CSNK1G1: variants seen among roughly 807,000 people sequenced by gnomAD.
CSNK1G1 encodes the protein casein kinase I isoform gamma-1.
A neutral mutation model predicts 59.6 loss-of-function variants in CSNK1G1; 22 were observed. That is an observed-to-expected ratio of 0.37 (90% CI 0.26 to 0.53). The LOEUF is 0.53. Ranked by LOEUF, CSNK1G1 falls within the 20% of genes least tolerant of loss-of-function variation. The pLI is 0.89. For synonymous variants in CSNK1G1, 179 were observed against 177.1 expected (o/e 1.01, Z -0.08); for missense variants, 384 against 519.5 (o/e 0.74, Z 2.54).
Position 64,177,046 on chromosome 15 carries a change from A to T in CSNK1G1, c.1214+3302T>A, listed in dbSNP as rs185742377. On this transcript the variant is annotated intron_variant, in intron 11 of 11. Coordinates refer to ENST00000303052, the MANE Select transcript of CSNK1G1 (RefSeq NM_022048.5). The stretch of plus-strand genomic sequence containing the variant: ...GCTGCCTGCCCTCACCACCCTTTAA[A>T]CCATAAACAAGGACATATGTCCTGG... Among the ~76,000 whole-genome samples, 5 of 152,296 alleles carry T rather than the reference A, an allele frequency of 3.3e-5. No homozygotes were observed. In the East Asian group the frequency reaches 9.6e-4, roughly 29 times the overall value.
intron 4 of CSNK1G1, among the ~76,000 whole-genome samples, chr15:64,233,658 GT>G (rs1173490384): frequency 1.3e-5 from 2 of 152,142 alleles, no homozygotes; most frequent in Non-Finnish European, 2.9e-5. Flanking sequence ...TGGAAAATTC[GT>G]CCTGGTCCAG....
At chr15:64,246,724 A>G (rs1197678519) in intron 4 of CSNK1G1, among the ~76,000 whole-genome samples, 1 of 151,528 alleles carries the variant, frequency 6.6e-6, no homozygotes, top group Non-Finnish European at 1.5e-5. Context: ...GAGTCACTAG[A>G]TTACAATAGC....
Position 64,171,675 on chromosome 15 carries a change from G to C in CSNK1G1, c.*256C>G, listed in dbSNP as rs569978562. 2.2e-4 allele frequency: 123 copies of C among 549,602 alleles called. No homozygotes were observed. Among genetic ancestry groups the C allele is most frequent in the Non-Finnish European group, 3.6e-4 (112 of 307,190 alleles). 34.0% of individuals were successfully genotyped at this position (549,602 alleles called of 1,614,324 possible). ...AAACAATGGGAAGGAGAGTCAACCA[G>C]GCAGCCCTATGGGCAAGCAGTGGAG... On this transcript the variant is annotated 3_prime_UTR_variant, in exon 12 of 12. Transcript: ENST00000303052. The surrounding 1 kb of genome is among the most constrained non-coding windows in gnomAD (Gnocchi z 4.8).
chr15:64,209,871 A>C (rs1278766357), intron 6 of CSNK1G1, among the ~76,000 whole-genome samples: 2 of 152,194 alleles, frequency 1.3e-5, no homozygotes, highest in Non-Finnish European at 2.9e-5. Flanking sequence ...GGTTATTAAA[A>C]ATTCACTGGA....
chr15:64,188,244 A>T lies in CSNK1G1; in HGVS notation c.1108-7790T>A. 1.6e-6 allele frequency: 1 copy of T among 624,098 alleles called. No homozygotes were observed. Among genetic ancestry groups the T allele is most frequent in the Non-Finnish European group, 2.7e-6 (1 of 368,692 alleles). The allele number at this position is 624,098 out of a possible 1,614,324, so 38.7% of individuals were successfully genotyped here. On this transcript the variant is annotated intron_variant, in intron 10 of 11. Transcript: ENST00000303052. This position sits in a 1 kb window ranked among gnomAD's most constrained non-coding sequence, Gnocchi z 4.2. ...CTTACCCAAGTCCACCTAGACAGAA[A>T]ATCTACAGAGATATTCAATTAGCCC...
At position 64,300,611 on chromosome 15, in the gene CSNK1G1, T is replaced by G. The variant is rs1226663323; in HGVS notation, c.-112A>C. ...TTGTAGTCAGAGAAAGGTAAGGAGTTCTTTTAGCACCATATTTGTTTGTAA... is the reference window on the plus strand; with the variant it reads ...TTGTAGTCAGAGAAAGGTAAGGAGTGCTTTTAGCACCATATTTGTTTGTAA... On this transcript the variant is annotated 5_prime_UTR_variant, in exon 2 of 12. Transcript: ENST00000303052. 4 of 1,435,492 alleles carry G rather than the reference T, an allele frequency of 2.8e-6. No homozygotes were observed. The African/African-American group carries it at 5.7e-5, about 20-fold the overall frequency. The allele number at this position is 1,435,492 out of a possible 1,614,324, so 88.9% of individuals were successfully genotyped here.
chr15:64,306,500 A>G (rs2140413878), intron 1 of CSNK1G1, among the ~76,000 whole-genome samples: 1 of 152,348 alleles, frequency 6.6e-6, no homozygotes, highest in African/African-American at 2.4e-5. Flanking sequence ...GCTAAGGAAG[A>G]TATGGAGCAA....
At chr15:64,186,374 G>C (rs936715302) in intron 10 of CSNK1G1, among the ~76,000 whole-genome samples, 1 of 152,204 alleles carries the variant, frequency 6.6e-6, no homozygotes, top group African/African-American at 2.4e-5. Context: ...GCCTCCCAAA[G>C]TGCTGGGATT....
intron 2 of CSNK1G1, among the ~76,000 whole-genome samples, chr15:64,297,763 G>A (rs1895107120): frequency 6.6e-6 from 1 of 152,028 alleles, no homozygotes; most frequent in South Asian, 2.1e-4. Context: ...TCTAGGAAAG[G>A]AAATTAGTTT....
chr15:64,226,430 C>T (rs1432725954), intron 4 of CSNK1G1, among the ~76,000 whole-genome samples: 4 of 152,142 alleles, frequency 2.6e-5, no homozygotes, highest in East Asian at 1.9e-4. Flanking sequence ...TGGTGGTGCA[C>T]GCCTGTAGTC....
chr15:64,337,625 C>T (rs139452851), intron 1 of CSNK1G1, among the ~76,000 whole-genome samples: 2 of 152,126 alleles, frequency 1.3e-5, no homozygotes, highest in Non-Finnish European at 2.9e-5. Context: ...GTGAACCCAC[C>T]TGGCTTTGTT....
intron 2 of CSNK1G1, among the ~76,000 whole-genome samples, chr15:64,284,439 G>C (rs571991244): frequency 3.5e-4 from 54 of 152,198 alleles, no homozygotes; most frequent in Admixed American, 8.5e-4. Flanking sequence ...TAAATCTTGA[G>C]ATCCATGAAT....
chr15:64,341,641 T>C (rs1033054980), intron 1 of CSNK1G1, among the ~76,000 whole-genome samples: 2 of 151,886 alleles, frequency 1.3e-5, no homozygotes, highest in African/African-American at 4.8e-5. Flanking sequence ...CCCAGCTAAT[T>C]TTTTTTTATT....
At chr15:64,228,295 C>G (rs191036798) in intron 4 of CSNK1G1, among the ~76,000 whole-genome samples, 2 of 152,240 alleles carry the variant, frequency 1.3e-5, no homozygotes, top group Admixed American at 1.3e-4. Context: ...ATCTATATTA[C>G]CCATTTTTAG....
rs373208584 is a variant in CSNK1G1 at position 64,336,173 on chromosome 15, G to C, written c.-225+19815C>G. On this transcript the variant is annotated intron_variant, in intron 1 of 11. Transcript: ENST00000303052. ...CGTTCAAAGCACCATGCCCAAAACAGAGTAAACAAATGTAAAATTGAATTG... is the reference window on the plus strand; with the variant it reads ...CGTTCAAAGCACCATGCCCAAAACACAGTAAACAAATGTAAAATTGAATTG... Among the ~76,000 whole-genome samples the C allele has an allele frequency of 3.1e-4, 47 of 152,288 alleles. 1 individual carries two copies. Among genetic ancestry groups the C allele is most frequent in the African/African-American group, 1.1e-3 (47 of 41,562 alleles).
intron 1 of CSNK1G1, among the ~76,000 whole-genome samples, chr15:64,312,360 C>T (rs1331002884): frequency 3.9e-5 from 6 of 152,198 alleles, no homozygotes; most frequent in African/African-American, 1.4e-4. Context: ...AACTATACTA[C>T]AAGGCAACAG....
intron 2 of CSNK1G1, among the ~76,000 whole-genome samples, chr15:64,298,908 A>G (rs1895167509): frequency 6.6e-6 from 1 of 151,642 alleles, no homozygotes; most frequent in South Asian, 2.1e-4. Flanking sequence ...GCATGGTGGC[A>G]CATGCCTGTA....
chr15:64,349,343 T>C (rs1898154807), intron 1 of CSNK1G1, among the ~76,000 whole-genome samples: 1 of 152,080 alleles, frequency 6.6e-6, no homozygotes, highest in African/African-American at 2.4e-5. Flanking sequence ...TCCCTTTTCG[T>C]GGCAAGGGCA....
chr15:64,277,569 A>ATAATAAATATATTAATATTAATATATT lies in CSNK1G1; in HGVS notation c.182-18355_182-18329dup, dbSNP rs1422384553. On this transcript the variant is annotated intron_variant, in intron 2 of 11. Transcript: ENST00000303052. Reference sequence around the variant, plus strand: ...TAATATTAAAATAATAAAATTTAATATAATAAATATATTAATATTAATATA... The same window carrying ATAATAAATATATTAATATTAATATATT: ...TAATATTAAAATAATAAAATTTAATATAATAAATATATTAATATTAATATATTTAATAAATATATTAATATTAATATA... 1.9e-4 allele frequency among the ~76,000 whole-genome samples: 25 copies of ATAATAAATATATTAATATTAATATATT among 131,752 alleles called. 2 individuals carry two copies. The East Asian group carries it at 3.2e-3, about 17-fold the overall frequency. 86.4% of individuals were successfully genotyped at this position (131,752 alleles called of 152,430 possible).
Sources: allele counts gnomAD v4.1 joint callset (sites outside exome capture counted in the v4.1 genomes callset), GRCh38; gene constraint gnomAD v4.1.1; non-coding constraint Gnocchi (gnomAD v3.1); transcripts MANE v1.5; gene names NCBI Gene and HGNC (gene_info 2026-07-23, HGNC 2026-07-21).